CGNL1: variants seen among roughly 807,000 people sequenced by gnomAD.
CGNL1 encodes cingulin-like protein 1.
A neutral mutation model predicts 141.2 loss-of-function variants in CGNL1; 132 were observed. The ratio of observed to expected loss-of-function variants is 0.93; its 90% CI spans 0.81 to 1.08. CGNL1 has a LOEUF of 1.08. Ranked by LOEUF, CGNL1 falls within the 50% of genes least tolerant of loss-of-function variation. The pLI is 0.00. For missense variants in CGNL1, 1,870 were observed against 1,588.6 expected, an observed-to-expected ratio of 1.18 and a Z score of -3.01; for synonymous variants, 690 against 622.1, an observed-to-expected ratio of 1.11 and a Z score of -1.63.
intron 1 of CGNL1, among the ~76,000 whole-genome samples, chr15:57,433,242 C>A (rs539824118): frequency 1.3e-5 from 2 of 150,988 alleles, no homozygotes; most frequent in African/African-American, 5.0e-5. Flanking sequence ...TGGTGTCAGC[C>A]CTCACGCATC....
chr15:57,508,685 A>T (rs73423506), intron 8 of CGNL1, among the ~76,000 whole-genome samples: 4,756 of 152,322 alleles, frequency 0.031, 259 homozygotes, highest in African/African-American at 0.11. Context: ...TTGACCAGTT[A>T]GGAGCTCAGC....
chr15:57,441,929 C>T (rs933483318), intron 3 of CGNL1, among the ~76,000 whole-genome samples: 3 of 151,930 alleles, frequency 2.0e-5, no homozygotes, highest in Non-Finnish European at 4.4e-5. Flanking sequence ...AAATTAAGAT[C>T]ATTGTAGATC....
In CGNL1 at chr15:57,411,538, G is replaced by A. The variant is rs112900595; in HGVS notation, c.-15-26447G>A. Among the ~76,000 whole-genome samples the A allele has an allele frequency of 2.9e-3, 433 of 151,276 alleles. 2 individuals are homozygous for A. Among genetic ancestry groups the A allele is most frequent in the African/African-American group, 0.01 (415 of 41,164 alleles). ...AGCTCACTGCAACCTCCACCTACCAGGTTCAAGCAATTCTCATGCTTCACC... is the reference window on the plus strand; with the variant it reads ...AGCTCACTGCAACCTCCACCTACCAAGTTCAAGCAATTCTCATGCTTCACC... On this transcript the variant is annotated intron_variant, in intron 1 of 18. Transcript: ENST00000281282.
At chr15:57,392,226 G>A (rs1260532238) in intron 1 of CGNL1, among the ~76,000 whole-genome samples, 1 of 152,076 alleles carries the variant, frequency 6.6e-6, no homozygotes, top group African/African-American at 2.4e-5. Flanking sequence ...TGTTTTCTTA[G>A]TAGGGGTGGG....
intron 1 of CGNL1, among the ~76,000 whole-genome samples, chr15:57,406,470 A>C (rs1422525854): frequency 6.6e-6 from 1 of 152,196 alleles, no homozygotes; most frequent in East Asian, 1.9e-4. Flanking sequence ...AAGCCAGTTA[A>C]GGGTTCTGAG....
chr15:57,406,809 C>T lies in CGNL1; in HGVS notation c.-16+30242C>T, dbSNP rs565864559. On this transcript the variant is annotated intron_variant, in intron 1 of 18. Transcript: ENST00000281282. ...TTTGCCAATGATCAATAGTGCTGGG[C>T]TCTGAATGCAATCTGAAATAAAAAT... Among the ~76,000 whole-genome samples the T allele has an allele frequency of 6.6e-5, 10 of 152,322 alleles. No individual in the cohort carries two copies. The East Asian group carries it at 1.9e-3, about 29-fold the overall frequency.
At chr15:57,424,907 A>G (rs2062956271) in intron 1 of CGNL1, among the ~76,000 whole-genome samples, 1 of 152,214 alleles carries the variant, frequency 6.6e-6, no homozygotes, top group Non-Finnish European at 1.5e-5. Flanking sequence ...CTACATATTA[A>G]TGTTGTGAAT....
chr15:57,395,849 C>T (rs111456643), intron 1 of CGNL1, among the ~76,000 whole-genome samples: 11 of 146,856 alleles, frequency 7.5e-5, no homozygotes, highest in African/African-American at 2.2e-4. Flanking sequence ...CGCCATGGTA[C>T]GAACCAAGTT....
At chr15:57,472,595 G>A (rs1277922937) in intron 8 of CGNL1, among the ~76,000 whole-genome samples, 1 of 152,126 alleles carries the variant, frequency 6.6e-6, no homozygotes, top group Non-Finnish European at 1.5e-5. Flanking sequence ...GGATCTTTGA[G>A]GTCTCTTCCA....
intron 1 of CGNL1, chr15:57,405,983 C>T (rs1352922837): frequency 1.3e-5 from 2 of 151,992 alleles, no homozygotes; most frequent in East Asian, 1.9e-4. Context: ...CCAAGTACCC[C>T]CTGTGGGTCA....
chr15:57,478,828 G>C (rs921688884), intron 8 of CGNL1, among the ~76,000 whole-genome samples: 2 of 152,056 alleles, frequency 1.3e-5, no homozygotes, highest in Non-Finnish European at 2.9e-5. Context: ...TTTTAGAGAT[G>C]GGGTTTTGCC....
chr15:57,516,304 G>T (rs576235217), intron 8 of CGNL1, among the ~76,000 whole-genome samples: 1 of 152,204 alleles, frequency 6.6e-6, no homozygotes, highest in African/African-American at 2.4e-5. Flanking sequence ...AAGTGATCTT[G>T]GACAAGTTAC....
intron 8 of CGNL1, among the ~76,000 whole-genome samples, chr15:57,505,236 G>T (rs1207955462): frequency 1.3e-5 from 2 of 152,178 alleles, no homozygotes; most frequent in African/African-American, 4.8e-5. Flanking sequence ...GACACTGTTT[G>T]CTGTGTATAT....
chr15:57,505,283 T>C (rs1173800344), intron 8 of CGNL1, among the ~76,000 whole-genome samples: 1 of 152,212 alleles, frequency 6.6e-6, no homozygotes, highest in Non-Finnish European at 1.5e-5. Context: ...CCATTATCTT[T>C]CATTTTTCTT....
intron 1 of CGNL1, 45 bp from the exon 2 acceptor site, chr15:57,437,940 A>T (rs1217674725): frequency 1.4e-6 from 2 of 1,476,048 alleles, no homozygotes; most frequent in Admixed American, 2.0e-5. Flanking sequence ...AAACAGATGT[A>T]ATTCTAACCT....
intron 8 of CGNL1, among the ~76,000 whole-genome samples, chr15:57,509,467 G>C (rs114037153): frequency 3.5e-4 from 54 of 152,338 alleles, no homozygotes; most frequent in African/African-American, 1.3e-3. Context: ...GTTACTTGTT[G>C]TCCATCAGGA....
intron 8 of CGNL1, among the ~76,000 whole-genome samples, chr15:57,499,238 CT>C (rs201081475): frequency 0.16 from 14,284 of 90,528 alleles, 245 homozygotes; most frequent in African/African-American, 0.18. Context: ...AAGTTAATGG[CT>C]TTTTTTTTTT....
At chr15:57,443,994 C>G (rs1323529155) in intron 4 of CGNL1, among the ~76,000 whole-genome samples, 1 of 152,104 alleles carries the variant, frequency 6.6e-6, no homozygotes, top group Non-Finnish European at 1.5e-5. Flanking sequence ...CAAATTGTAT[C>G]TGTACAGTTC....
At position 57,422,287 on chromosome 15, in the gene CGNL1, T is replaced by C. The variant is rs544887062; in HGVS notation, c.-15-15698T>C. Among the ~76,000 whole-genome samples, 11 of 152,154 alleles carry C rather than the reference T, an allele frequency of 7.2e-5. No individual in the cohort carries two copies. In the South Asian group the frequency reaches 2.1e-3, roughly 29 times the overall value. On this transcript the variant is annotated intron_variant, in intron 1 of 18. Transcript: ENST00000281282. The stretch of plus-strand genomic sequence containing the variant: ...GCACTATTCTGGTAGAAATGTCTGC[T>C]TCCTGCCACCCTCAGGAAGTCAGAG...
Sources: gnomAD v4.1 joint callset for allele counts (sites outside exome capture counted in the v4.1 genomes callset) on GRCh38, gnomAD v4.1.1 for gene constraint, MANE v1.5 for transcripts, NCBI Gene and HGNC (gene_info 2026-07-23, HGNC 2026-07-21) for gene names.